TRIP11: variants seen among roughly 807,000 people sequenced by gnomAD.
The protein encoded by TRIP11 is thyroid receptor-interacting protein 11.
Under a neutral mutation model 223.1 loss-of-function variants are expected in TRIP11, and 148 were observed. The observed-to-expected ratio is 0.66, with a 90% CI of 0.58 to 0.76. TRIP11 has a LOEUF of 0.76. Ranked by LOEUF, TRIP11 falls within the 30% of genes least tolerant of loss-of-function variation. The probability of loss-of-function intolerance (pLI) is 0.00; values close to 1 mark genes in which losing one functional copy is unlikely to be tolerated. For synonymous variants in TRIP11, 762 were observed against 772.6 expected (o/e 0.99, Z 0.23); for missense variants, 2,043 against 2,222.0 (o/e 0.92, Z 1.62).
Position 91,967,073 on chromosome 14 carries a change from C to T in TRIP11, c.*2600G>A. On this transcript the variant is annotated 3_prime_UTR_variant, in exon 21 of 21. Transcript: ENST00000267622. Reference sequence around the variant, plus strand: ...TATATCTGGTTTAGATCAACGAACACTTAGTATACATACCAGTCAGCTATA... The same window carrying T: ...TATATCTGGTTTAGATCAACGAACATTTAGTATACATACCAGTCAGCTATA... 1 of 170,738 alleles carries T rather than the reference C, an allele frequency of 5.9e-6. No individual in the cohort carries two copies. The highest frequency in any genetic ancestry group is 1.2e-5 in the Non-Finnish European group (1 of 80,246). The allele number at this position is 170,738 out of a possible 1,614,324, so 10.6% of individuals were successfully genotyped here.
At chr14:91,970,481 T>G (rs535761372) in intron 20 of TRIP11, among the ~76,000 whole-genome samples, 1 of 151,818 alleles carries the variant, frequency 6.6e-6, no homozygotes, top group Non-Finnish European at 1.5e-5. Context: ...TAAACACAAA[T>G]ACTAATTTGT....
intron 13 of TRIP11, among the ~76,000 whole-genome samples, chr14:91,996,735 G>A (rs917222529): frequency 3.3e-5 from 5 of 152,106 alleles, no homozygotes; most frequent in African/African-American, 9.7e-5. Flanking sequence ...TGTATTCATG[G>A]TGAATTCACA....
At chr14:91,971,567 G>A in intron 20 of TRIP11, among the ~76,000 whole-genome samples, 1 of 151,512 alleles carries the variant, frequency 6.6e-6, no homozygotes. Flanking sequence ...GAGAGGGAGG[G>A]AGAATAAAGA....
chr14:91,985,593 A>G (rs2056595812), intron 16 of TRIP11, among the ~76,000 whole-genome samples: 1 of 152,256 alleles, frequency 6.6e-6, no homozygotes, highest in Non-Finnish European at 1.5e-5. Context: ...TATTGTTTAA[A>G]TGCTGAAACT....
At chr14:92,015,618 A>G in intron 6 of TRIP11, 78 bp downstream of exon 6, 5 of 1,250,414 alleles carry the variant, frequency 4.0e-6, no homozygotes, top group Non-Finnish European at 5.5e-6. Context: ...AGATCGCGCC[A>G]GTGCACTCCA....
At chr14:91,975,324 A>C in intron 17 of TRIP11, 38 bp from the exon 18 acceptor site, 1 of 1,345,268 alleles carries the variant, frequency 7.4e-7, no homozygotes, top group East Asian at 2.3e-5. Context: ...AAGTGAACTC[A>C]ACATTAAGTA....
At chr14:91,975,990 G>T in intron 17 of TRIP11, 118 bp downstream of exon 17, 1 of 859,096 alleles carries the variant, frequency 1.2e-6, no homozygotes, top group Non-Finnish European at 1.8e-6. Flanking sequence ...CTAAGAGTGA[G>T]GGGAAAAAAG....
At chr14:92,029,281 T>A (rs1001571777) in intron 2 of TRIP11, among the ~76,000 whole-genome samples, 1 of 12,244 alleles carries the variant, frequency 8.2e-5, no homozygotes, top group African/African-American at 4.6e-4. Context: ...CAAAGTATTA[T>A]TTTTTTTTTT....
chr14:91,969,863 G>C lies in TRIP11; in HGVS notation c.5750C>G (p.Thr1917Arg). Residue 1917 changes from threonine to arginine, a missense_variant, in exon 21 of 21, where the codon ACA becomes AGA. Coordinates refer to ENST00000267622, the MANE Select transcript of TRIP11 (RefSeq NM_004239.4). ...AGGAGCCAAAAACGGATTTACATCT[G>C]TTCTTCTACCAGACCTGGATTCTGC... ...DTAESRSGRR[T>R]DVNPFLAPRS... The C allele has an allele frequency of 6.2e-7, 1 of 1,614,166 alleles. No homozygotes were observed. The highest frequency in any genetic ancestry group is 8.5e-7 in the Non-Finnish European group (1 of 1,180,020).
rs770908057 is a variant in TRIP11, at chr14:92,005,515, T to G, written c.2461A>C (p.Lys821Gln). Reference protein sequence around the residue: ...NKKEIFIEKLKERSSKLQEEL... With the variant: ...NKKEIFIEKLQERSSKLQEEL... ...TCCTGCAGCTTTGAACTTCTTTCTT[T>G]AAGCTTTTCAATAAAAATTTCTTTC... The change falls in exon 11 of 21, where the codon AAA becomes CAA. Residue 821 changes from lysine to glutamine, a missense_variant. Physicochemically the swap from Lys to Gln is moderately conservative, Grantham distance 53. Coordinates refer to ENST00000267622, the MANE Select transcript of TRIP11 (RefSeq NM_004239.4). The G allele has an allele frequency of 3.7e-6, 6 of 1,612,028 alleles. No individual in the cohort carries two copies. In the African/African-American group the frequency reaches 8.0e-5, roughly 22 times the overall value.
At chr14:91,972,633 AT>A in intron 20 of TRIP11, 83 bp downstream of exon 20, 1 of 1,401,498 alleles carries the variant, frequency 7.1e-7, no homozygotes, top group Non-Finnish European at 9.7e-7. Context: ...AATACTAAAA[AT>A]TTAGTTAATA....
chr14:91,970,557 C>G (rs2056389528), intron 20 of TRIP11, among the ~76,000 whole-genome samples: 1 of 152,082 alleles, frequency 6.6e-6, no homozygotes, highest in Admixed American at 6.6e-5. Flanking sequence ...AAAAACAATG[C>G]TATACATGTG....
At chr14:92,006,716 C>T (rs543457219) in intron 10 of TRIP11, among the ~76,000 whole-genome samples, 17 of 151,092 alleles carry the variant, frequency 1.1e-4, no homozygotes, top group African/African-American at 3.2e-4. Context: ...CGGCTCGGCG[C>T]AATCTCGGCT....
In TRIP11 at chr14:91,967,717, AATAAAGGACC is replaced by A. The variant is rs1484982736; in HGVS notation, c.*1946_*1955del. 125 of 193,588 alleles carry A rather than the reference AATAAAGGACC, an allele frequency of 6.5e-4. No individual in the cohort carries two copies. The highest frequency in any genetic ancestry group is 2.8e-3 in the African/African-American group (122 of 43,244). 12.0% of individuals were successfully genotyped at this position (193,588 alleles called of 1,614,324 possible). A position where few individuals can be genotyped will look rare whatever the true frequency, so the allele number is the denominator to read the frequency against. ...CTTTTTACATATTCTATTTCTTAAA[AATAAAGGACC>A]ATGTGTCTTTTTTAACTTAGAAACT... On this transcript the variant is annotated 3_prime_UTR_variant, in exon 21 of 21. Transcript: ENST00000267622.
Position 92,016,172 on chromosome 14 carries a change from A to T in TRIP11, c.658-311T>A, listed in dbSNP as rs17127862. ...CCATGAACTTCTCCTTTTCCTAATGACACTTTCTGCCAATACCAGTGTCAC... is the reference window on the plus strand; with the variant it reads ...CCATGAACTTCTCCTTTTCCTAATGTCACTTTCTGCCAATACCAGTGTCAC... On this transcript the variant is annotated intron_variant, in intron 5 of 20. Coordinates refer to ENST00000267622, the MANE Select transcript of TRIP11 (RefSeq NM_004239.4). Among the ~76,000 whole-genome samples, 23,257 of 152,124 alleles carry T rather than the reference A, an allele frequency of 0.15. 2,271 individuals carry two copies. The highest frequency in any genetic ancestry group is 0.28 in the African/African-American group (11,685 of 41,470).
intron 4 of TRIP11, among the ~76,000 whole-genome samples, chr14:92,018,960 CAAA>C (rs567152333): frequency 6.1e-4 from 43 of 70,902 alleles, no homozygotes; most frequent in African/African-American, 1.9e-3. Context: ...GACTCCATCT[CAAA>C]AAAAAAAAAA....
Position 92,005,915 on chromosome 14 carries a change from T to C in TRIP11, c.2061A>G (p.Glu687=). The change falls in exon 11 of 21, where the codon GAA becomes GAG. Residue 687 remains glutamate, a synonymous_variant. Transcript: ENST00000267622. Reference sequence around the variant, plus strand: ...ATTCTTCTAACTGATGCCTCACATCTTCACATGCTAAAACTAACTTTTCAT... The same window carrying C: ...ATTCTTCTAACTGATGCCTCACATCCTCACATGCTAAAACTAACTTTTCAT... ...MENEKLVLAC[E]DVRHQLEECL... is the part of the protein sequence containing the mutation. 1 of 1,613,964 alleles carries C rather than the reference T, an allele frequency of 6.2e-7. No homozygotes were observed. Among genetic ancestry groups the C allele is most frequent in the South Asian group, 1.1e-5 (1 of 91,054 alleles).
rs1456373630 is a variant in TRIP11, at chr14:91,975,183, C to T, written c.5446G>A (p.Glu1816Lys). ...CATCGTCCAGTCACCTGCTCCATCT[C>T]CTCCCTTCTGACGCCCAGGATGCTC... ...MGSILGVRRE[E>K]MEQLFHDDQG... Residue 1816 changes from glutamate (E) to lysine (K), a missense_variant, in exon 18 of 21, where the codon GAG (glutamate) becomes AAG (lysine). Transcript: ENST00000267622. The T allele has an allele frequency of 1.9e-5, 31 of 1,613,432 alleles. No individual in the cohort carries two copies. Among genetic ancestry groups the T allele is most frequent in the Non-Finnish European group, 2.4e-5 (28 of 1,179,644 alleles).
intron 20 of TRIP11, among the ~76,000 whole-genome samples, chr14:91,970,457 C>T (rs1376264836): frequency 2.0e-5 from 3 of 151,786 alleles, no homozygotes; most frequent in Admixed American, 1.3e-4. Flanking sequence ...AAAGCACAAA[C>T]AGGCCTCAAT....
Sources: gnomAD v4.1 joint callset for allele counts (sites outside exome capture counted in the v4.1 genomes callset) on GRCh38, gnomAD v4.1.1 for gene constraint, MANE v1.5 for transcripts, NCBI Gene and HGNC (gene_info 2026-07-23, HGNC 2026-07-21) for gene names.